Variants in NDST4 observed in about 807,000 individuals in gnomAD.
NDST4 encodes N-heparan sulfate sulfotransferase 4.
Under a neutral mutation model 100.8 loss-of-function variants are expected in NDST4, and 63 were observed. The observed-to-expected ratio is 0.62, with a 90% CI of 0.51 to 0.77. The LOEUF (loss-of-function observed/expected upper bound fraction) is 0.77. Among genes scored for constraint, NDST4 ranks in the 30% least tolerant of loss-of-function variants. NDST4 has a pLI of 0.00. For missense variants in NDST4, 943 were observed against 1,018.4 expected, an observed-to-expected ratio of 0.93 and a Z score of 1.01; for synonymous variants, 377 against 361.8, an observed-to-expected ratio of 1.04 and a Z score of -0.48.
chr4:114,986,794 A>ATG (rs1491577569), intron 2 of NDST4, among the ~76,000 whole-genome samples: 1,838 of 10,074 alleles, frequency 0.18, 43 homozygotes, highest in Non-Finnish European at 0.32. Context: ...CCAATTATAC[A>ATG]TATATATATA....
chr4:115,064,387 A>G (rs931203459), intron 2 of NDST4, among the ~76,000 whole-genome samples: 3 of 151,988 alleles, frequency 2.0e-5, no homozygotes, highest in African/African-American at 7.2e-5. Flanking sequence ...TGTTGTCTTG[A>G]CACTTAACCC....
intron 11 of NDST4, among the ~76,000 whole-genome samples, chr4:114,834,713 G>A (rs1723274603): frequency 6.6e-6 from 1 of 152,086 alleles, no homozygotes; most frequent in Admixed American, 6.5e-5. Context: ...TGTAACTCTG[G>A]TAGAATTCGG....
At chr4:114,901,322 T>G (rs190094008) in intron 6 of NDST4, among the ~76,000 whole-genome samples, 395 of 152,218 alleles carry the variant, frequency 2.6e-3, no homozygotes, top group Non-Finnish European at 4.1e-3. Flanking sequence ...TATTTGCACA[T>G]ACATACTAAA....
At chr4:115,077,965 T>C (rs1285408501) in intron 1 of NDST4, among the ~76,000 whole-genome samples, 1 of 152,208 alleles carries the variant, frequency 6.6e-6, no homozygotes, top group African/African-American at 2.4e-5. Context: ...TCTCAAAGCA[T>C]ATTTCCTAAT....
intron 6 of NDST4, among the ~76,000 whole-genome samples, chr4:114,896,796 TG>T (rs1394613617): frequency 6.6e-6 from 1 of 152,156 alleles, no homozygotes; most frequent in Non-Finnish European, 1.5e-5. Flanking sequence ...TCACTATACT[TG>T]TTTTTTTCTG....
At chr4:114,853,688 T>C (rs1723728377) in intron 7 of NDST4, among the ~76,000 whole-genome samples, 1 of 152,198 alleles carries the variant, frequency 6.6e-6, no homozygotes, top group Non-Finnish European at 1.5e-5. Context: ...AAAAAACATA[T>C]ACCTTGGAAA....
chr4:114,889,925 C>CA (rs1188350168), intron 6 of NDST4, among the ~76,000 whole-genome samples: 5 of 152,146 alleles, frequency 3.3e-5, no homozygotes, highest in Admixed American at 6.6e-5. Flanking sequence ...ACAATGAATA[C>CA]AAAAAATGTG....
rs148165318 is a variant in NDST4, at chr4:114,870,877, A to C, written c.1610T>G (p.Val537Gly). The C allele has an allele frequency of 2.8e-5, 45 of 1,613,186 alleles. No individual in the cohort carries two copies. The African/African-American group carries it at 3.1e-4, about 11-fold the overall frequency. Residue 537 changes from valine to glycine, a missense_variant, in exon 7 of 14, where the codon GTC becomes GGC. Around this residue, in one of 2 missense-constraint regions of NDST4, gnomAD observed 526 missense variants for 634.1 expected, o/e 0.83. Coordinates refer to ENST00000264363, the MANE Select transcript of NDST4 (RefSeq NM_022569.3). ...GTTGGTCCAGCTCTGCACAAAGTTG[A>C]CCAAGTTCACAAAGGTATATAACCC... The part of the protein sequence containing the change: ...RLGLYTFVNL[V>G]NFVQSWTNLK...
At chr4:114,927,004 C>A (rs1725399152) in intron 6 of NDST4, among the ~76,000 whole-genome samples, 1 of 151,996 alleles carries the variant, frequency 6.6e-6, no homozygotes, top group Non-Finnish European at 1.5e-5. Flanking sequence ...CCTGCAAAAT[C>A]TGGAAATTAT....
At chr4:114,921,126 A>G (rs2126218985) in intron 6 of NDST4, among the ~76,000 whole-genome samples, 1 of 152,310 alleles carries the variant, frequency 6.6e-6, no homozygotes, top group South Asian at 2.1e-4. Flanking sequence ...AAATTAAAAC[A>G]CCTTAAAACC....
At chr4:114,835,031 T>G (rs1005834090) in intron 11 of NDST4, among the ~76,000 whole-genome samples, 2 of 152,164 alleles carry the variant, frequency 1.3e-5, no homozygotes, top group African/African-American at 4.8e-5. Context: ...TAGCTAGTGG[T>G]CCATATATTT....
intron 6 of NDST4, among the ~76,000 whole-genome samples, chr4:114,891,154 T>TAATAAAC (rs1724586422): frequency 1.3e-5 from 2 of 152,154 alleles, no homozygotes; most frequent in African/African-American, 4.8e-5. Context: ...CCACAAGTGA[T>TAATAAAC]AATAAACTCT....
intron 7 of NDST4, among the ~76,000 whole-genome samples, chr4:114,869,527 T>C (rs564767686): frequency 5.3e-5 from 8 of 152,270 alleles, no homozygotes; most frequent in African/African-American, 1.9e-4. Flanking sequence ...TTGTATTTTG[T>C]GTGTTGATAT....
At chr4:115,028,071 AG>A (rs1728028474) in intron 2 of NDST4, among the ~76,000 whole-genome samples, 2 of 152,174 alleles carry the variant, frequency 1.3e-5, no homozygotes, top group South Asian at 4.1e-4. Flanking sequence ...AAAAAAAAAA[AG>A]AATGATCCTG....
intron 2 of NDST4, among the ~76,000 whole-genome samples, chr4:114,995,108 A>G (rs902598106): frequency 2.0e-5 from 3 of 152,056 alleles, no homozygotes; most frequent in Admixed American, 6.6e-5. Context: ...GAAGCATTTA[A>G]GTTATTATTC....
chr4:115,098,179 T>C (rs1441414797), intron 1 of NDST4, among the ~76,000 whole-genome samples: 1 of 152,168 alleles, frequency 6.6e-6, no homozygotes, highest in African/African-American at 2.4e-5. Context: ...TCTGTACCTT[T>C]TATTCCTAGT....
chr4:115,020,824 C>A (rs542923828), intron 2 of NDST4, among the ~76,000 whole-genome samples: 1 of 152,096 alleles, frequency 6.6e-6, no homozygotes, highest in Non-Finnish European at 1.5e-5. Flanking sequence ...CTCATCTCCA[C>A]TAATGATCAG....
At chr4:114,834,889 A>T (rs946228666) in intron 11 of NDST4, among the ~76,000 whole-genome samples, 1 of 152,080 alleles carries the variant, frequency 6.6e-6, no homozygotes, top group African/African-American at 2.4e-5. Flanking sequence ...TTTCTAGTTT[A>T]TTTGCATAGA....
intron 2 of NDST4, 140 bp downstream of exon 2, chr4:115,075,919 A>C (rs746547833): frequency 9.9e-7 from 1 of 1,010,312 alleles, no homozygotes; most frequent in Non-Finnish European, 1.4e-6. Context: ...TCTTGGTTCA[A>C]TATTTTTCTA....
Sources: allele counts gnomAD v4.1 joint callset (sites outside exome capture counted in the v4.1 genomes callset), GRCh38; gene constraint gnomAD v4.1.1; regional missense constraint gnomAD v4.1.1; transcripts MANE v1.5; gene names NCBI Gene and HGNC (gene_info 2026-07-23, HGNC 2026-07-21).